Variants in SLC26A9 observed in about 807,000 individuals in gnomAD.
SLC26A9 encodes the protein solute carrier family 26 member 9.
SLC26A9 carries 46 observed loss-of-function variants against 87.1 expected under a neutral mutation model. The ratio of observed to expected loss-of-function variants is 0.53; its 90% confidence interval spans 0.42 to 0.67. SLC26A9 has a LOEUF of 0.67. Ranked by LOEUF, SLC26A9 falls within the 30% of genes least tolerant of loss-of-function variation. SLC26A9 has a pLI of 0.00. For missense variants in SLC26A9, 927 were observed against 1,018.3 expected (o/e 0.91, Z 1.22); for synonymous variants, 437 against 409.1 (o/e 1.07, Z -0.82).
intron 19 of SLC26A9, 83 bp downstream of exon 19, chr1:205,918,757 C>T: frequency 6.6e-7 from 1 of 1,513,734 alleles, no homozygotes; most frequent in Admixed American, 1.9e-5. Flanking sequence ...TAAACCTTCT[C>T]CTGTGTTCTT....
At chr1:205,922,937 C>T (rs1327367280) in intron 16 of SLC26A9, 145 bp downstream of exon 16, 19 of 702,418 alleles carry the variant, frequency 2.7e-5, no homozygotes, top group East Asian at 7.6e-5. Context: ...AAATGCCCAG[C>T]GGCCACCAGG....
At chr1:205,922,053 C>A (rs552055555) in intron 16 of SLC26A9, among the ~76,000 whole-genome samples, 1 of 152,322 alleles carries the variant, frequency 6.6e-6, no homozygotes, top group East Asian at 1.9e-4. Context: ...CTCCTACAAC[C>A]CAGACAAAGT....
chr1:205,938,122 G>A (rs552232910), intron 1 of SLC26A9, among the ~76,000 whole-genome samples: 2 of 152,050 alleles, frequency 1.3e-5, no homozygotes, highest in East Asian at 3.9e-4. Flanking sequence ...CCGTCCCCAG[G>A]ATTTCCCCAC....
In SLC26A9 at chr1:205,927,765, G is replaced by A. The variant is rs1385342100; in HGVS notation, c.1101+137C>T. 2.7e-6 allele frequency: 4 copies of A among 1,459,268 alleles called. No individual in the cohort carries two copies. The African/African-American group carries it at 5.6e-5, about 20-fold the overall frequency. 90.4% of individuals were successfully genotyped at this position (1,459,268 alleles called of 1,614,324 possible). A position where few individuals can be genotyped will look rare whatever the true frequency, so the allele number is the denominator to read the frequency against. On this transcript the variant is annotated intron_variant, in intron 9 of 20. Transcript: ENST00000367135. ...AGTCAAGAGGAGGTCAGCCTCTTAG[G>A]GTCAGAGGACCCCCTATCCCCCACA... is the stretch of plus-strand genomic sequence containing the variant.
intron 8 of SLC26A9, chr1:205,928,512 A>G (rs1659173802): frequency 2.2e-6 from 1 of 461,084 alleles, no homozygotes; most frequent in Non-Finnish European, 3.9e-6. Context: ...TTCTACATGG[A>G]CAAAGAACCA....
At position 205,924,437 on chromosome 1, in the gene SLC26A9, C is replaced by A. The variant is rs765390955; in HGVS notation, c.1442G>T (p.Gly481Val). ...LSSFFLSLPY[G>V]VAVGVAFSVL... The stretch of plus-strand genomic sequence containing the variant: ...GGAGAAGGCGACACCCACTGCCACA[C>A]CATAGGGCAGGCTGAGGAAGAAGGA... Residue 481 changes from glycine to valine, a missense_variant, in exon 13 of 21, where the codon GGT becomes GTT. Transcript: ENST00000367135. 3.7e-6 allele frequency: 6 copies of A among 1,614,070 alleles called. No individual in the cohort carries two copies. In the African/African-American group the frequency reaches 5.3e-5, roughly 14 times the overall value.
chr1:205,941,890 AAGG>A (rs1407103969), intron 1 of SLC26A9, among the ~76,000 whole-genome samples: 2 of 152,220 alleles, frequency 1.3e-5, no homozygotes, highest in Non-Finnish European at 2.9e-5. Flanking sequence ...GGGCCTGGGC[AAGG>A]AGACCAGTGA....
rs566954812 is a variant in SLC26A9 at position 205,924,305 on chromosome 1, G to A, written c.1496+78C>T. On this transcript the variant is annotated intron_variant, in intron 13 of 20. Coordinates refer to ENST00000367135, the MANE Select transcript of SLC26A9 (RefSeq NM_052934.4). ...GTGGAAGGTACAGTGGACTAAGCCAGGCCGTGGCATGGAAGCCCTTTGCGG... is the reference window on the plus strand; with the variant it reads ...GTGGAAGGTACAGTGGACTAAGCCAAGCCGTGGCATGGAAGCCCTTTGCGG... The A allele has an allele frequency of 2.2e-6, 3 of 1,373,162 alleles. No individual in the cohort carries two copies. In the East Asian group the frequency reaches 6.9e-5, roughly 31 times the overall value. 85.1% of individuals were successfully genotyped at this position (1,373,162 alleles called of 1,614,324 possible).
Position 205,915,108 on chromosome 1 carries a change from CTG to C in SLC26A9, c.*247_*248del. 1 of 1,613,964 alleles carries C rather than the reference CTG, an allele frequency of 6.2e-7. No homozygotes were observed. Among genetic ancestry groups the C allele is most frequent in the Non-Finnish European group, 8.5e-7 (1 of 1,179,928 alleles). On this transcript the variant is annotated 3_prime_UTR_variant, in exon 21 of 21. Transcript: ENST00000367135. ...GAGGCTTGTCCATTGCGGCCAGGGC[CTG>C]ACGGGTGAAGAGTGGGCTCACCAGA...
In SLC26A9 at chr1:205,923,053, G is replaced by A. The variant is rs138821583; in HGVS notation, c.1773+29C>T. 1.4e-4 allele frequency: 221 copies of A among 1,599,716 alleles called. 3 individuals are homozygous for A. The East Asian group carries it at 4.8e-3, about 35-fold the overall frequency. ...GTATCAGAATGGGCAGGAGAGCAGGGCACGGGGCTGCTTCTGGCCTTCATT... is the reference window on the plus strand; with the variant it reads ...GTATCAGAATGGGCAGGAGAGCAGGACACGGGGCTGCTTCTGGCCTTCATT... On this transcript the variant is annotated intron_variant, in intron 16 of 20. Coordinates refer to ENST00000367135, the MANE Select transcript of SLC26A9 (RefSeq NM_052934.4).
rs758394399 is a variant in SLC26A9, at chr1:205,920,159, T to C, written c.2110+17A>G. ...CCTTGCCAGTCTTTCAGTCCCTAAA[T>C]GTCCTCTTTCTCTTACCATGGATGT... On this transcript the variant is annotated intron_variant, in intron 18 of 20. Coordinates refer to ENST00000367135, the MANE Select transcript of SLC26A9 (RefSeq NM_052934.4). 3.3e-5 allele frequency: 53 copies of C among 1,613,542 alleles called. No homozygotes were observed. Among genetic ancestry groups the C allele is most frequent in the Non-Finnish European group, 4.4e-5 (52 of 1,179,674 alleles).
chr1:205,937,583 T>A (rs372440028), intron 1 of SLC26A9, among the ~76,000 whole-genome samples: 1 of 152,236 alleles, frequency 6.6e-6, no homozygotes, highest in Non-Finnish European at 1.5e-5. Flanking sequence ...TGGCCTTTTA[T>A]AGGCACCCAG....
At chr1:205,919,932 G>A (rs1658754428) in intron 18 of SLC26A9, among the ~76,000 whole-genome samples, 1 of 152,132 alleles carries the variant, frequency 6.6e-6, no homozygotes, top group African/African-American at 2.4e-5. Context: ...TAGAATCCTA[G>A]CTGTCCTTCT....
intron 12 of SLC26A9, among the ~76,000 whole-genome samples, chr1:205,925,316 GT>G (rs1053650315): frequency 3.3e-5 from 5 of 152,256 alleles, no homozygotes; most frequent in African/African-American, 1.2e-4. Context: ...CTGGTTTTGT[GT>G]GTGGGTAGGG....
intron 9 of SLC26A9, 129 bp from the exon 10 acceptor site, chr1:205,927,734 A>T: frequency 7.2e-7 from 1 of 1,386,694 alleles, no homozygotes. Flanking sequence ...AAAGTCACAC[A>T]TTCCCAGTCA....
At chr1:205,921,520 C>T (rs201603013) in intron 17 of SLC26A9, 46 bp downstream of exon 17, 47 of 1,575,996 alleles carry the variant, frequency 3.0e-5, no homozygotes, top group East Asian at 2.3e-4. Context: ...GAGAGCAGAG[C>T]GGAGGGGGTG....
chr1:205,915,518 C>T, intron 20 of SLC26A9, 114 bp from the exon 21 acceptor site: 1 of 869,074 alleles, frequency 1.2e-6, no homozygotes. Context: ...AACAAAGCAC[C>T]TGTGTGTGTG....
At chr1:205,928,407 G>T in intron 8 of SLC26A9, 1 of 379,260 alleles carries the variant, frequency 2.6e-6, no homozygotes. Flanking sequence ...TTCCAACCCT[G>T]CAGGACAAGC....
intron 7 of SLC26A9, 67 bp downstream of exon 7, chr1:205,929,137 A>C: frequency 1.3e-6 from 2 of 1,570,500 alleles, no homozygotes; most frequent in Non-Finnish European, 1.7e-6. Flanking sequence ...TGGGGTGAGG[A>C]AAGGTAGGGG....
Sources: gnomAD v4.1 joint callset for allele counts (sites outside exome capture counted in the v4.1 genomes callset) on GRCh38, gnomAD v4.1.1 for gene constraint, MANE v1.5 for transcripts, NCBI Gene and HGNC (gene_info 2026-07-23, HGNC 2026-07-21) for gene names.